ADAMTS18: variants seen among roughly 807,000 people sequenced by gnomAD.
The protein encoded by ADAMTS18 is ADAM metallopeptidase with thrombospondin type 1 motif 18.
A neutral mutation model predicts 165.9 loss-of-function variants in ADAMTS18; 157 were observed. That is an observed-to-expected ratio of 0.95 (90% CI 0.83 to 1.08). The LOEUF is 1.08. Among genes scored for constraint, ADAMTS18 ranks in the 50% least tolerant of loss-of-function variants. The probability of loss-of-function intolerance (pLI) is 0.00; values close to 1 mark genes in which losing one functional copy is unlikely to be tolerated. For missense variants in ADAMTS18, 2,040 were observed against 1,534.0 expected (o/e 1.33, Z -5.51); for synonymous variants, 782 against 578.2 (o/e 1.35, Z -5.06).
intron 3 of ADAMTS18, among the ~76,000 whole-genome samples, chr16:77,390,277 G>A (rs9930356): frequency 6.6e-6 from 1 of 152,106 alleles, no homozygotes; most frequent in Admixed American, 6.6e-5. Flanking sequence ...GATTTATCAG[G>A]GTTCAACTAC....
chr16:77,318,104 G>A (rs2055920365), intron 16 of ADAMTS18, among the ~76,000 whole-genome samples: 1 of 152,128 alleles, frequency 6.6e-6, no homozygotes, highest in Admixed American at 6.6e-5. Context: ...AAAATCATCG[G>A]ACAAGTTTAT....
At chr16:77,406,260 T>C (rs1173312062) in intron 3 of ADAMTS18, among the ~76,000 whole-genome samples, 1 of 152,114 alleles carries the variant, frequency 6.6e-6, no homozygotes, top group Middle Eastern at 3.2e-3. Flanking sequence ...AAAAATCATA[T>C]GGTCAAAATA....
chr16:77,358,076 C>T (rs1238750471), intron 8 of ADAMTS18, among the ~76,000 whole-genome samples: 3 of 152,166 alleles, frequency 2.0e-5, no homozygotes, highest in African/African-American at 7.2e-5. Context: ...TTGTTTCCTG[C>T]TTTGTATGAG....
intron 16 of ADAMTS18, among the ~76,000 whole-genome samples, chr16:77,303,670 A>C (rs1394507479): frequency 6.6e-6 from 1 of 152,094 alleles, no homozygotes; most frequent in African/African-American, 2.4e-5. Flanking sequence ...GAGAAGTGAT[A>C]TCCCCCAGTG....
chr16:77,315,541 C>T (rs920552959), intron 16 of ADAMTS18, among the ~76,000 whole-genome samples: 4 of 152,256 alleles, frequency 2.6e-5, no homozygotes, highest in Middle Eastern at 3.4e-3. Context: ...AAGATGCCAG[C>T]GTGATGAGAG....
At chr16:77,423,393 A>G (rs2057629293) in intron 3 of ADAMTS18, among the ~76,000 whole-genome samples, 1 of 152,298 alleles carries the variant, frequency 6.6e-6, no homozygotes, top group East Asian at 1.9e-4. Context: ...AATTAGTACT[A>G]TATCATTATC....
intron 12 of ADAMTS18, among the ~76,000 whole-genome samples, chr16:77,328,432 C>T (rs976939471): frequency 2.6e-5 from 4 of 152,140 alleles, no homozygotes; most frequent in Admixed American, 1.3e-4. Flanking sequence ...GGAGTTGCTT[C>T]AGCGTAATTA....
chr16:77,308,748 T>C (rs1324420114), intron 16 of ADAMTS18, among the ~76,000 whole-genome samples: 7 of 152,174 alleles, frequency 4.6e-5, no homozygotes, highest in Non-Finnish European at 2.9e-5. Flanking sequence ...TCAGGCATAC[T>C]CAAAAAGCCC....
At chr16:77,343,885 T>C (rs2056436081) in intron 10 of ADAMTS18, among the ~76,000 whole-genome samples, 1 of 152,152 alleles carries the variant, frequency 6.6e-6, no homozygotes, top group Non-Finnish European at 1.5e-5. Flanking sequence ...AAGATGGACA[T>C]TTTGGAGAAA....
intron 16 of ADAMTS18, among the ~76,000 whole-genome samples, chr16:77,307,786 G>A (rs1194135412): frequency 6.6e-6 from 1 of 152,028 alleles, no homozygotes; most frequent in African/African-American, 2.4e-5. Flanking sequence ...TACACTGATT[G>A]TATCTTGAGG....
intron 3 of ADAMTS18, among the ~76,000 whole-genome samples, chr16:77,398,315 T>A (rs1248804012): frequency 2.8e-5 from 4 of 141,680 alleles, no homozygotes; most frequent in African/African-American, 1.0e-4. Flanking sequence ...ACACTCTGTC[T>A]CAAAAACAAC....
intron 9 of ADAMTS18, 75 bp downstream of exon 9, chr16:77,355,865 C>A (rs8058333): frequency 6.4e-7 from 1 of 1,559,204 alleles, no homozygotes; most frequent in African/African-American, 1.4e-5. Context: ...ACTGAGTATT[C>A]GTTTGCAGGT....
chr16:77,285,264 A>C (rs73630438), intron 22 of ADAMTS18, among the ~76,000 whole-genome samples: 2,237 of 152,192 alleles, frequency 0.015, 66 homozygotes, highest in African/African-American at 0.051. Context: ...CCTCCGCCTC[A>C]TGTATTCAAA....
intron 10 of ADAMTS18, among the ~76,000 whole-genome samples, chr16:77,346,007 C>T (rs530654717): frequency 6.6e-6 from 1 of 152,322 alleles, no homozygotes; most frequent in African/African-American, 2.4e-5. Flanking sequence ...TTTAGCCACA[C>T]TGGCTCCCTG....
At chr16:77,289,738 G>C (rs982669262) in intron 21 of ADAMTS18, among the ~76,000 whole-genome samples, 1 of 152,210 alleles carries the variant, frequency 6.6e-6, no homozygotes, top group African/African-American at 2.4e-5. Context: ...GACACACCTA[G>C]GGAGTTAATC....
intron 12 of ADAMTS18, among the ~76,000 whole-genome samples, chr16:77,332,086 G>A (rs1374693135): frequency 1.3e-5 from 2 of 152,088 alleles, no homozygotes; most frequent in Admixed American, 6.6e-5. Flanking sequence ...TCGTTATCCC[G>A]TTTTTATAAG....
intron 3 of ADAMTS18, among the ~76,000 whole-genome samples, chr16:77,393,373 T>C (rs2057215322): frequency 1.3e-5 from 2 of 152,180 alleles, no homozygotes; most frequent in Admixed American, 1.3e-4. Context: ...GCTAGGCTGC[T>C]TACACTGTTA....
Position 77,361,999 on chromosome 16 carries a change from T to G in ADAMTS18, c.1216+106A>C. 24 of 1,270,490 alleles carry G rather than the reference T, an allele frequency of 1.9e-5. 1 individual carries two copies. In the South Asian group the frequency reaches 3.0e-4, roughly 16 times the overall value. 78.7% of individuals were successfully genotyped at this position (1,270,490 alleles called of 1,614,324 possible). A position where few individuals can be genotyped will look rare whatever the true frequency, so the allele number is the denominator to read the frequency against. Reference sequence around the variant, plus strand: ...TTAGGTTACTCCATAATTTAAATATTATGTCTGTTTATTAAGGAACATAAG... The same window carrying G: ...TTAGGTTACTCCATAATTTAAATATGATGTCTGTTTATTAAGGAACATAAG... On this transcript the variant is annotated intron_variant, in intron 7 of 22. Coordinates refer to ENST00000282849, the MANE Select transcript of ADAMTS18 (RefSeq NM_199355.4).
At chr16:77,433,969 G>A (rs2144873730) in intron 2 of ADAMTS18, among the ~76,000 whole-genome samples, 2 of 152,146 alleles carry the variant, frequency 1.3e-5, no homozygotes, top group South Asian at 2.1e-4. Flanking sequence ...AAAAAAAGAA[G>A]AGATAGAAAA....
Sources: gnomAD v4.1 joint callset for allele counts (sites outside exome capture counted in the v4.1 genomes callset) on GRCh38, gnomAD v4.1.1 for gene constraint, MANE v1.5 for transcripts, NCBI Gene and HGNC (gene_info 2026-07-23, HGNC 2026-07-21) for gene names.